The following HIBCH variants were observed in gnomAD, a reference collection of about 807,000 sequenced individuals.
HIBCH encodes 3-hydroxyisobutyryl-CoA hydrolase.
HIBCH carries 50 observed loss-of-function variants against 58.2 expected under a neutral mutation model. The observed-to-expected ratio is 0.86, with a 90% confidence interval of 0.68 to 1.09. HIBCH has a LOEUF of 1.09. Ranked by LOEUF, HIBCH falls within the 50% of genes least tolerant of loss-of-function variation. The pLI, the probability that HIBCH is intolerant of heterozygous loss-of-function variation, is 0.00. For synonymous variants in HIBCH, 151 were observed against 146.9 expected, an observed-to-expected ratio of 1.03 and a Z score of -0.20; for missense variants, 450 against 449.7, an observed-to-expected ratio of 1.00 and a Z score of -0.01.
chr2:190,288,471 G>T (rs1687884479), intron 5 of HIBCH, among the ~76,000 whole-genome samples: 1 of 149,094 alleles, frequency 6.7e-6, no homozygotes, highest in South Asian at 2.2e-4. Context: ...TTGCACATGG[G>T]AAATAAGGGA....
chr2:190,212,447 TATGAG>T (rs1385089064), intron 12 of HIBCH, among the ~76,000 whole-genome samples: 1 of 152,212 alleles, frequency 6.6e-6, no homozygotes, highest in African/African-American at 2.4e-5. Flanking sequence ...TAAATATAAA[TATGAG>T]ATGTTTCATG....
chr2:190,266,702 G>A (rs1005699628), intron 6 of HIBCH, among the ~76,000 whole-genome samples: 2 of 151,954 alleles, frequency 1.3e-5, no homozygotes, highest in Non-Finnish European at 2.9e-5. Context: ...CCAGAGTGCT[G>A]GGATTACAGC....
chr2:190,234,592 G>A (rs1300274584), intron 11 of HIBCH, among the ~76,000 whole-genome samples: 2 of 152,152 alleles, frequency 1.3e-5, no homozygotes, highest in African/African-American at 2.4e-5. Context: ...AATCACACCT[G>A]TAATCCCAGC....
intron 1 of HIBCH, among the ~76,000 whole-genome samples, chr2:190,193,447 T>C (rs1005600163): frequency 6.6e-6 from 1 of 152,090 alleles, no homozygotes; most frequent in Admixed American, 6.6e-5. Flanking sequence ...CTTTCCTCTT[T>C]CTCTCTTTTC....
intron 11 of HIBCH, among the ~76,000 whole-genome samples, chr2:190,241,457 C>T (rs2105929919): frequency 6.6e-6 from 1 of 152,222 alleles, no homozygotes; most frequent in East Asian, 1.9e-4. Context: ...TGCATTTAGC[C>T]CATTTACATT....
At chr2:190,252,396 T>G in intron 7 of HIBCH, 89 bp from the exon 8 acceptor site, 1 of 1,094,542 alleles carries the variant, frequency 9.1e-7, no homozygotes. Flanking sequence ...ACAAACCATT[T>G]CTCTCTGGAG....
At chr2:190,241,642 T>C (rs1228309312) in intron 11 of HIBCH, among the ~76,000 whole-genome samples, 2 of 152,228 alleles carry the variant, frequency 1.3e-5, no homozygotes, top group Non-Finnish European at 2.9e-5. Context: ...TCAGGAGCTA[T>C]TGTAATACAG....
intron 1 of HIBCH, among the ~76,000 whole-genome samples, chr2:190,313,666 G>GAAAAAAA (rs1688617991): frequency 2.7e-4 from 6 of 22,474 alleles, no homozygotes; most frequent in African/African-American, 9.8e-4. Context: ...AAAAAAAAAG[G>GAAAAAAA]AATCACCTGG....
At chr2:190,241,534 T>A (rs999474267) in intron 11 of HIBCH, among the ~76,000 whole-genome samples, 1 of 152,118 alleles carries the variant, frequency 6.6e-6, no homozygotes, top group Admixed American at 6.6e-5. Flanking sequence ...ATTTTGCCCA[T>A]TAGATGCAGT....
At chr2:190,277,633 G>A (rs1687588992) in intron 6 of HIBCH, among the ~76,000 whole-genome samples, 1 of 152,206 alleles carries the variant, frequency 6.6e-6, no homozygotes, top group South Asian at 2.1e-4. Flanking sequence ...ATAATAAATT[G>A]CAACCTTAGT....
intron 3 of HIBCH, among the ~76,000 whole-genome samples, chr2:190,296,248 G>T (rs555551070): frequency 6.6e-6 from 1 of 152,148 alleles, no homozygotes; most frequent in East Asian, 1.9e-4. Context: ...GTGAAACCCC[G>T]TCTCTACTAA....
At position 190,216,757 on chromosome 2, in the gene HIBCH, G is replaced by C. The variant is rs1277128208; in HGVS notation, c.892-3682C>G. 6.6e-6 allele frequency among the ~76,000 whole-genome samples: 1 copy of C among 152,346 alleles called. No individual in the cohort carries two copies. Among genetic ancestry groups the C allele is most frequent in the South Asian group, 2.1e-4 (1 of 4,824 alleles). On this transcript the variant is annotated intron_variant, in intron 11 of 13. Coordinates refer to ENST00000359678, the MANE Select transcript of HIBCH (RefSeq NM_014362.4). The surrounding 1 kb of genome is among the most constrained non-coding windows in gnomAD (Gnocchi z 4.2). ...CCCTGAAGTAGAGAGAGCTCGTGCT[G>C]GGGAGAAGTCTGCCAAGACGCTTTG... is the stretch of plus-strand genomic sequence containing the variant.
chr2:190,240,426 C>A (rs1252443021), intron 11 of HIBCH, among the ~76,000 whole-genome samples: 4 of 151,874 alleles, frequency 2.6e-5, no homozygotes, highest in African/African-American at 7.3e-5. Context: ...ATTTTGTTAA[C>A]CTTTTCAAAA....
At chr2:190,233,646 T>C (rs369008352) in intron 11 of HIBCH, among the ~76,000 whole-genome samples, 4 of 152,324 alleles carry the variant, frequency 2.6e-5, no homozygotes, top group South Asian at 2.1e-4. Flanking sequence ...GAGGATAATA[T>C]ATGCAATATG....
In HIBCH at chr2:190,205,045, C is replaced by A; in HGVS notation, c.*72G>T. On this transcript the variant is annotated 3_prime_UTR_variant, in exon 14 of 14. Transcript: ENST00000359678. ...TTACAGGGTATATAAAAACAGGCAG[C>A]AGGCTGGATTTGGCCCACATGCTGT... The A allele has an allele frequency of 1.3e-6, 1 of 781,794 alleles. No individual in the cohort carries two copies. The highest frequency in any genetic ancestry group is 2.3e-6 in the Non-Finnish European group (1 of 438,144). The allele number at this position is 781,794 out of a possible 1,614,324, so 48.4% of individuals were successfully genotyped here. A position where few individuals can be genotyped will look rare whatever the true frequency, so the allele number is the denominator to read the frequency against.
In HIBCH at chr2:190,217,657, C is replaced by A. The variant is rs548914763; in HGVS notation, c.892-4582G>T. ...AAAAAAACTTCTAACTCGAACCCTG[C>A]CTCTTGAGTTCACAGTTCACCACTT... is the stretch of plus-strand genomic sequence containing the variant. On this transcript the variant is annotated intron_variant, in intron 11 of 13. Coordinates refer to ENST00000359678, the MANE Select transcript of HIBCH (RefSeq NM_014362.4). This position sits in a 1 kb window ranked among gnomAD's most constrained non-coding sequence, Gnocchi z 4.6. Among the ~76,000 whole-genome samples the A allele has an allele frequency of 6.6e-6, 1 of 152,302 alleles. No homozygotes were observed. The highest frequency in any genetic ancestry group is 1.9e-4 in the East Asian group (1 of 5,182).
chr2:190,190,770 C>T (rs1252588026), intron 1 of HIBCH, among the ~76,000 whole-genome samples: 3 of 152,100 alleles, frequency 2.0e-5, no homozygotes, highest in African/African-American at 7.2e-5. Context: ...TTAAAAAATA[C>T]CTTTTTAAAA....
intron 11 of HIBCH, among the ~76,000 whole-genome samples, chr2:190,239,651 T>TTTTTTTTTGTTTTTTTTG (rs1345405888): frequency 3.0e-4 from 44 of 148,864 alleles, no homozygotes; most frequent in African/African-American, 1.1e-3. Flanking sequence ...TTTGTAGTTT[T>TTTTTTTTTGTTTTTTTTG]TTTTTTTTTT....
At chr2:190,303,057 C>T (rs1658237351) in intron 2 of HIBCH, among the ~76,000 whole-genome samples, 1 of 151,994 alleles carries the variant, frequency 6.6e-6, no homozygotes, top group South Asian at 2.1e-4. Context: ...ACAGATAGAA[C>T]AAGAAGGGAA....
Sources: gnomAD v4.1 joint callset for allele counts (sites outside exome capture counted in the v4.1 genomes callset) on GRCh38, gnomAD v4.1.1 for gene constraint, Gnocchi (gnomAD v3.1) non-coding constraint, MANE v1.5 for transcripts, NCBI Gene and HGNC (gene_info 2026-07-23, HGNC 2026-07-21) for gene names.